The following CBFA2T3 variants were observed in gnomAD, a reference collection of about 807,000 sequenced individuals.
CBFA2T3 encodes CBFA2/RUNX1 partner transcriptional co-repressor 3.
CBFA2T3 carries 31 observed loss-of-function variants against 58.6 expected under a neutral mutation model. The ratio of observed to expected loss-of-function variants is 0.53; its 90% CI spans 0.40 to 0.71. The LOEUF is 0.71. CBFA2T3 is among the 30% of genes least tolerant of loss of function. The probability of loss-of-function intolerance (pLI) is 0.00; values close to 1 mark genes in which losing one functional copy is unlikely to be tolerated. For missense variants in CBFA2T3, 1,076 were observed against 963.1 expected, an observed-to-expected ratio of 1.12 and a Z score of -1.55; for synonymous variants, 531 against 421.9, an observed-to-expected ratio of 1.26 and a Z score of -3.17.
intron 5 of CBFA2T3, among the ~76,000 whole-genome samples, chr16:88,890,951 C>A (rs1314462351): frequency 6.6e-6 from 1 of 152,152 alleles, no homozygotes; most frequent in African/African-American, 2.4e-5. Context: ...TGGCCTCAAG[C>A]AATCCCCGTT....
chr16:88,904,777 A>T (rs899551293), intron 1 of CBFA2T3, among the ~76,000 whole-genome samples: 1 of 152,026 alleles, frequency 6.6e-6, no homozygotes, highest in African/African-American at 2.4e-5. Context: ...TGTCTGTTGA[A>T]TCCTGTGTGA....
At chr16:88,897,214 C>G (rs1209355107) in intron 3 of CBFA2T3, among the ~76,000 whole-genome samples, 1 of 152,250 alleles carries the variant, frequency 6.6e-6, no homozygotes, top group African/African-American at 2.4e-5. Flanking sequence ...TGTCCAGGAG[C>G]TGCACGCCAG....
chr16:88,899,877 C>T (rs375132683), intron 2 of CBFA2T3, among the ~76,000 whole-genome samples: 35 of 152,224 alleles, frequency 2.3e-4, no homozygotes, highest in African/African-American at 6.5e-4. Context: ...AACACAGCAG[C>T]GGTCTCCCTC....
intron 1 of CBFA2T3, among the ~76,000 whole-genome samples, chr16:88,925,128 C>T (rs915614574): frequency 6.6e-6 from 1 of 152,250 alleles, no homozygotes; most frequent in Non-Finnish European, 1.5e-5. Context: ...ACACCGAGCT[C>T]GCTGACCCTG....
intron 1 of CBFA2T3, among the ~76,000 whole-genome samples, chr16:88,932,791 CAAAAAAAAAAAAAAA>C (rs576934029): frequency 2.9e-4 from 8 of 27,862 alleles, no homozygotes; most frequent in East Asian, 3.2e-3. Flanking sequence ...ACTAAAAATA[CAAAAAAAAAAAAAAA>C]AAAAAAAAAA....
chr16:88,903,838 A>G (rs1277723806), intron 1 of CBFA2T3, among the ~76,000 whole-genome samples: 1 of 152,210 alleles, frequency 6.6e-6, no homozygotes, highest in African/African-American at 2.4e-5. Context: ...GGTCCAGGAC[A>G]CTGGGGATGC....
Position 88,927,547 on chromosome 16 carries a change from C to T in CBFA2T3, c.152-25891G>A, listed in dbSNP as rs946824457. Among the ~76,000 whole-genome samples the T allele has an allele frequency of 8.5e-5, 13 of 152,306 alleles. No individual in the cohort carries two copies. The East Asian group carries it at 9.6e-4, about 11-fold the overall frequency. ...CAGAGCTGGGCATCCAGGGAGACAG[C>T]GACCCTGGCCATGGGGGCCACGCCA... On this transcript the variant is annotated intron_variant, in intron 1 of 11. Coordinates refer to ENST00000268679, the MANE Select transcript of CBFA2T3 (RefSeq NM_005187.6).
Position 88,933,216 on chromosome 16 carries a change from G to A in CBFA2T3, c.152-31560C>T, listed in dbSNP as rs74951746. On this transcript the variant is annotated intron_variant, in intron 1 of 11. Coordinates refer to ENST00000268679, the MANE Select transcript of CBFA2T3 (RefSeq NM_005187.6). ...TTGCCTCACTGGTCAACTCCTGGGG[G>A]CTGTTTTGCGCTCCCCCAGTGCAGG... Among the ~76,000 whole-genome samples, 12 of 152,352 alleles carry A rather than the reference G, an allele frequency of 7.9e-5. No individual in the cohort carries two copies. The East Asian group carries it at 9.6e-4, about 12-fold the overall frequency.
intron 1 of CBFA2T3, among the ~76,000 whole-genome samples, chr16:88,905,713 A>AG (rs1417263174): frequency 1.3e-4 from 4 of 29,750 alleles, no homozygotes; most frequent in East Asian, 1.5e-3. Flanking sequence ...GCGGGGCTGG[A>AG]GGGGCGGGGC....
intron 3 of CBFA2T3, among the ~76,000 whole-genome samples, chr16:88,895,895 T>C (rs1567588928): frequency 6.6e-6 from 1 of 152,012 alleles, no homozygotes; most frequent in Non-Finnish European, 1.5e-5. Context: ...CTAGCCTCAG[T>C]TTCTTCATTT....
intron 11 of CBFA2T3, 91 bp from the exon 12 acceptor site, chr16:88,877,366 G>T: frequency 9.8e-7 from 1 of 1,020,104 alleles, no homozygotes; most frequent in Non-Finnish European, 1.4e-6. Context: ...ACCCAGCCAC[G>T]TCATCACCAG....
intron 1 of CBFA2T3, among the ~76,000 whole-genome samples, chr16:88,904,807 C>T (rs1970240763): frequency 6.6e-6 from 1 of 152,170 alleles, no homozygotes; most frequent in Non-Finnish European, 1.5e-5. Flanking sequence ...GCTGTGTGGC[C>T]TAGGGAGAGC....
Position 88,892,468 on chromosome 16 carries a change from G to C in CBFA2T3, c.397C>G (p.His133Asp), listed in dbSNP as rs758234873. 3 of 1,612,702 alleles carry C rather than the reference G, an allele frequency of 1.9e-6. No individual in the cohort carries two copies. In the East Asian group the frequency reaches 6.7e-5, roughly 36 times the overall value. ...GCACCATTGATGGCTGTTGGTGAGT[G>C]GCTGCTGCCGTTCATCACTGCAGGA... ...MVCLLMNGSS[H>D]SPTAINGAPC... The change falls in exon 4 of 12, where the codon CAC becomes GAC. Residue 133 changes from histidine to aspartate, a missense_variant. Transcript: ENST00000268679.
chr16:88,918,744 G>A (rs1970818623), intron 1 of CBFA2T3, among the ~76,000 whole-genome samples: 1 of 152,222 alleles, frequency 6.6e-6, no homozygotes, highest in African/African-American at 2.4e-5. Flanking sequence ...AAGTTCCATG[G>A]CAGGTCACCC....
chr16:88,971,650 C>G (rs146352324), intron 1 of CBFA2T3, among the ~76,000 whole-genome samples: 1 of 152,230 alleles, frequency 6.6e-6, no homozygotes, highest in Admixed American at 6.5e-5. Flanking sequence ...TTGTAACAGT[C>G]GACCTGAGTG....
rs553324428 is a variant in CBFA2T3 at position 88,945,949 on chromosome 16, T to C, written c.151+30708A>G. The stretch of plus-strand genomic sequence containing the variant: ...TTCAACAGGTGAATACATAAAATAC[T>C]GTGGCATATGTAGACGATAGAGTGT... On this transcript the variant is annotated intron_variant, in intron 1 of 11. Transcript: ENST00000268679. Among the ~76,000 whole-genome samples, 44 of 152,352 alleles carry C rather than the reference T, an allele frequency of 2.9e-4. No homozygotes were observed. In the South Asian group the frequency reaches 9.1e-3, roughly 32 times the overall value.
intron 1 of CBFA2T3, among the ~76,000 whole-genome samples, chr16:88,931,174 G>A (rs935426635): frequency 3.9e-5 from 6 of 152,032 alleles, no homozygotes; most frequent in Admixed American, 6.5e-5. Context: ...CCTTAAATGT[G>A]AGAGGGGCTC....
intron 1 of CBFA2T3, chr16:88,937,087 T>C (rs1019148014): frequency 6.6e-6 from 1 of 152,170 alleles, no homozygotes; most frequent in Non-Finnish European, 1.5e-5. Context: ...GCCTGCCCGG[T>C]GGGCTGTTTC....
intron 1 of CBFA2T3, among the ~76,000 whole-genome samples, chr16:88,974,455 C>T (rs957065622): frequency 1.3e-4 from 19 of 151,992 alleles, no homozygotes; most frequent in Non-Finnish European, 1.5e-4. Context: ...TACACCTCAG[C>T]CCCCAGGACG....
Sources: allele counts gnomAD v4.1 joint callset (sites outside exome capture counted in the v4.1 genomes callset), GRCh38; gene constraint gnomAD v4.1.1; transcripts MANE v1.5; gene names NCBI Gene and HGNC (gene_info 2026-07-23, HGNC 2026-07-21).